Variants in GMPR2 observed in about 807,000 individuals in gnomAD.
GMPR2 encodes the protein GMP reductase 2.
In GMPR2, 32 loss-of-function variants were observed where a neutral mutation model predicts 38.5. The ratio of observed to expected loss-of-function variants is 0.83; its 90% CI spans 0.63 to 1.12. The LOEUF (loss-of-function observed/expected upper bound fraction) is 1.12, where lower values mean the gene tolerates loss of function less well. GMPR2 is among the 50% of genes most tolerant of loss of function. GMPR2 has a pLI of 0.00. For missense variants in GMPR2, 396 were observed against 432.1 expected (o/e 0.92, Z 0.74); for synonymous variants, 154 against 151.0 (o/e 1.02, Z -0.15).
chr14:24,236,934 A>G, intron 5 of GMPR2, 137 bp from the exon 6 acceptor site: 1 of 687,832 alleles, frequency 1.5e-6, no homozygotes, highest in Non-Finnish European at 2.5e-6. Context: ...AAAAGCCCTC[A>G]GAGGGCCCAG....
At chr14:24,233,378 C>T in intron 2 of GMPR2, 38 bp downstream of exon 2, 1 of 1,611,114 alleles carries the variant, frequency 6.2e-7, no homozygotes, top group African/African-American at 1.3e-5. Flanking sequence ...CTTGACCCCA[C>T]GCTCCCGGTG....
At chr14:24,237,185 C>A (rs571824159) in intron 6 of GMPR2, 33 bp downstream of exon 6, 5 of 1,536,788 alleles carry the variant, frequency 3.3e-6, no homozygotes, top group South Asian at 1.1e-5. Context: ...CTGGCTACCC[C>A]CCTTCAGTGG....
rs73589609 is a variant in GMPR2 at position 24,237,007 on chromosome 14, G to A, written c.466-64G>A. ...TGGAAAGTCATGGTCCATGCATACCGTAACAATACATGACCTCCTGTTTCT... is the reference window on the plus strand; with the variant it reads ...TGGAAAGTCATGGTCCATGCATACCATAACAATACATGACCTCCTGTTTCT... On this transcript the variant is annotated intron_variant, in intron 5 of 9. Transcript: ENST00000399440. 6.0e-3 allele frequency: 7,259 copies of A among 1,207,876 alleles called. 324 individuals carry two copies. The African/African-American group carries it at 0.096, about 16-fold the overall frequency. The allele number at this position is 1,207,876 out of a possible 1,614,324, so 74.8% of individuals were successfully genotyped here.
intron 5 of GMPR2, among the ~76,000 whole-genome samples, chr14:24,236,442 C>T (rs1287817762): frequency 1.3e-5 from 2 of 152,212 alleles, no homozygotes; most frequent in African/African-American, 4.8e-5. Flanking sequence ...GAAATGGACA[C>T]ATACTAGTCA....
At position 24,233,331 on chromosome 14, in the gene GMPR2, T is replaced by C. The variant is rs1566676179; in HGVS notation, c.78T>C (p.Ser26=). The C allele has an allele frequency of 6.2e-7, 1 of 1,614,046 alleles. No homozygotes were observed. Among genetic ancestry groups the C allele is most frequent in the Non-Finnish European group, 8.5e-7 (1 of 1,179,974 alleles). ...GGCCCAAACGCAGTACCCTTAAGTC[T>C]CGAAGTGAGGTGAGCAAGCTTCTCT... ...LLRPKRSTLK[S]RSEVDLTRSF... is the part of the protein sequence containing the mutation. The change falls in exon 2 of 10, where the codon TCT becomes TCC. Residue 26 remains serine, a synonymous_variant. Coordinates refer to ENST00000399440, the MANE Select transcript of GMPR2 (RefSeq NM_001002002.3).
chr14:24,238,121 A>G, intron 8 of GMPR2, 125 bp from the exon 9 acceptor site: 1 of 836,486 alleles, frequency 1.2e-6, no homozygotes, highest in South Asian at 1.7e-5. Flanking sequence ...CAGCTAGGGA[A>G]GCAGAAGGAG....
chr14:24,232,934 G>A lies in GMPR2; in HGVS notation c.-79G>A. The A allele has an allele frequency of 2.1e-6, 1 of 482,154 alleles. No homozygotes were observed. The highest frequency in any genetic ancestry group is 1.9e-5 in the African/African-American group (1 of 51,694). The allele number at this position is 482,154 out of a possible 1,614,324, so 29.9% of individuals were successfully genotyped here. On this transcript the variant is annotated 5_prime_UTR_variant, in exon 1 of 10. Coordinates refer to ENST00000399440, the MANE Select transcript of GMPR2 (RefSeq NM_001002002.3). ...CTTCGTTCCCCTAAATCAGCCTCTT[G>A]CCCCATTGCTCTTTGCAGGGGTAGA...
chr14:24,237,493 G>A (rs1251119954), intron 7 of GMPR2, 27 bp from the exon 8 acceptor site: 4 of 1,612,086 alleles, frequency 2.5e-6, no homozygotes, highest in African/African-American at 1.3e-5. Flanking sequence ...AATCCATGTT[G>A]TATTCATAGT....
chr14:24,238,475 G>A (rs749255727), intron 9 of GMPR2, 70 bp downstream of exon 9: 6 of 1,614,044 alleles, frequency 3.7e-6, no homozygotes, highest in South Asian at 3.3e-5. Flanking sequence ...GAGGGGGATG[G>A]TACAGTTCTC....
intron 5 of GMPR2, 122 bp downstream of exon 5, chr14:24,236,262 C>T: frequency 4.0e-6 from 3 of 753,008 alleles, no homozygotes; most frequent in Non-Finnish European, 2.3e-6. Flanking sequence ...AATCATGATA[C>T]TGGATGATTA....
chr14:24,235,005 T>C (rs1431899722), intron 3 of GMPR2, among the ~76,000 whole-genome samples: 3 of 152,258 alleles, frequency 2.0e-5, no homozygotes, highest in African/African-American at 7.2e-5. Context: ...CATGTAGACA[T>C]GTAAGGCACA....
chr14:24,237,969 C>A, intron 8 of GMPR2: 1 of 471,046 alleles, frequency 2.1e-6, no homozygotes, highest in Non-Finnish European at 3.8e-6. Context: ...ATCAAATGAC[C>A]AGACGATGAT....
At chr14:24,236,176 T>A in intron 5 of GMPR2, 36 bp downstream of exon 5, 3 of 1,534,436 alleles carry the variant, frequency 2.0e-6, no homozygotes, top group Non-Finnish European at 2.7e-6. Context: ...TTTTTATCTT[T>A]CCACTTTCCT....
In GMPR2 at chr14:24,235,946, A is replaced by T. The variant is rs367700944; in HGVS notation, c.292-21A>T. 4 of 1,613,030 alleles carry T rather than the reference A, an allele frequency of 2.5e-6. No individual in the cohort carries two copies. In the South Asian group the frequency reaches 4.4e-5, roughly 18 times the overall value. ...CCACCAGATCATCTCTGATATGCCA[A>T]TGACTCTGTTTCTCCCACAGCATCT... is the stretch of plus-strand genomic sequence containing the variant. On this transcript the variant is annotated intron_variant, in intron 4 of 9. Coordinates refer to ENST00000399440, the MANE Select transcript of GMPR2 (RefSeq NM_001002002.3).
At chr14:24,237,594 C>T (rs1407231730) in intron 8 of GMPR2, 32 bp downstream of exon 8, 1 of 1,596,572 alleles carries the variant, frequency 6.3e-7, no homozygotes, top group Non-Finnish European at 8.6e-7. Flanking sequence ...AAGGATGATT[C>T]TATACAAGAG....
chr14:24,237,744 G>A, intron 8 of GMPR2, 182 bp downstream of exon 8: 1 of 631,768 alleles, frequency 1.6e-6, no homozygotes, highest in Non-Finnish European at 2.8e-6. Context: ...GAGACTCCAA[G>A]TGTGGGCCAG....
upstream of GMPR2, chr14:24,232,630 A>C (rs1594507720): frequency 3.2e-6 from 1 of 310,408 alleles, no homozygotes; most frequent in Non-Finnish European, 6.2e-6. Context: ...TTGTAGTCTA[A>C]CCCCCTCGGA....
chr14:24,235,790 G>T lies in GMPR2; in HGVS notation c.261G>T (p.Glu87Asp), dbSNP rs1246144235. 6.2e-7 allele frequency: 1 copy of T among 1,613,586 alleles called. No homozygotes were observed. Among genetic ancestry groups the T allele is most frequent in the African/African-American group, 1.3e-5 (1 of 74,912 alleles). ...HKHYSLVQWQEFAGQNPDCLE... is the reference protein window; with the variant it reads ...HKHYSLVQWQDFAGQNPDCLE... ...ACTATAGCCTCGTTCAGTGGCAAGA[G>T]TTTGCTGGCCAGAATCCTGACTGTC... The change falls in exon 4 of 10, where the codon GAG (glutamate) becomes GAT (aspartate). Residue 87 changes from glutamate to aspartate, a missense_variant. Physicochemically the swap from Glu to Asp is conservative, Grantham distance 45. Coordinates refer to ENST00000399440, the MANE Select transcript of GMPR2 (RefSeq NM_001002002.3).
rs760026187 is a variant in GMPR2, at chr14:24,237,124, T to A, written c.519T>A (p.Ala173=). 2.5e-6 allele frequency: 4 copies of A among 1,612,480 alleles called. No homozygotes were observed. Among genetic ancestry groups the A allele is most frequent in the Admixed American group, 1.7e-5 (1 of 60,010 alleles). The part of the protein sequence containing the change: ...EMVEELILSG[A]DIIKVGIGPG... ...TAGAAGAGCTCATCCTTTCTGGGGC[T>A]GACATCATCAAAGTGGGAATTGGGC... Residue 173 remains alanine, a synonymous_variant, in exon 6 of 10, where the codon GCT becomes GCA. Transcript: ENST00000399440.
Sources: gnomAD v4.1 joint callset for allele counts (sites outside exome capture counted in the v4.1 genomes callset) on GRCh38, gnomAD v4.1.1 for gene constraint, MANE v1.5 for transcripts, NCBI Gene and HGNC (gene_info 2026-07-23, HGNC 2026-07-21) for gene names.